Variants in GALNT13 observed in about 807,000 individuals in gnomAD.
The protein encoded by GALNT13 is UDP-GalNAc:polypeptide N-acetylgalactosaminyltransferase 13.
A neutral mutation model predicts 64.2 loss-of-function variants in GALNT13; 28 were observed. That is an observed-to-expected ratio of 0.44 (90% confidence interval 0.32 to 0.60). The LOEUF is 0.60. Ranked by LOEUF, GALNT13 falls within the 20% of genes least tolerant of loss-of-function variation. The probability of loss-of-function intolerance (pLI) is 0.05; values close to 1 mark genes in which losing one functional copy is unlikely to be tolerated. For missense variants in GALNT13, 577 were observed against 669.8 expected (o/e 0.86, Z 1.53); for synonymous variants, 214 against 224.6 (o/e 0.95, Z 0.42).
chr2:154,344,809 A>C (rs1297144422), intron 9 of GALNT13, among the ~76,000 whole-genome samples: 1 of 152,040 alleles, frequency 6.6e-6, no homozygotes, highest in African/African-American at 2.4e-5. Flanking sequence ...GAATTTGAGA[A>C]AGGTATATTT....
At chr2:153,542,118 G>C in the GALNT13 span, among the ~76,000 whole-genome samples, 4 of 152,092 alleles carry the variant, frequency 2.6e-5, no homozygotes, top group Non-Finnish European at 5.9e-5. Context: ...AGGAGTTCAA[G>C]ACCAGTCTGG....
intron 4 of GALNT13, among the ~76,000 whole-genome samples, chr2:154,174,162 T>C (rs1219961582): frequency 6.6e-6 from 1 of 152,174 alleles, no homozygotes; most frequent in African/African-American, 2.4e-5. Flanking sequence ...TAATTTAAGG[T>C]ACATTAAAAT....
At chr2:153,767,386 A>C in the GALNT13 span, among the ~76,000 whole-genome samples, 3 of 152,106 alleles carry the variant, frequency 2.0e-5, no homozygotes, top group African/African-American at 7.2e-5. Flanking sequence ...TGACTTCACT[A>C]TTGTAAGTTG....
chr2:154,272,135 T>C (rs1204419079), intron 8 of GALNT13, among the ~76,000 whole-genome samples: 2 of 152,072 alleles, frequency 1.3e-5, no homozygotes, highest in Admixed American at 1.3e-4. Flanking sequence ...GAAATACACA[T>C]TGGAAATGTT....
the GALNT13 span, among the ~76,000 whole-genome samples, chr2:153,132,919 C>A: frequency 1.3e-5 from 2 of 151,942 alleles, no homozygotes; most frequent in African/African-American, 4.8e-5. Flanking sequence ...GACAGGATTT[C>A]GCCATGTTAC....
At chr2:153,615,829 G>C in the GALNT13 span, among the ~76,000 whole-genome samples, 4 of 151,796 alleles carry the variant, frequency 2.6e-5, no homozygotes, top group African/African-American at 4.8e-5. Context: ...TATATATTCT[G>C]GTTATTAATC....
At chr2:153,268,188 A>T in the GALNT13 span, among the ~76,000 whole-genome samples, 2 of 152,212 alleles carry the variant, frequency 1.3e-5, no homozygotes, top group African/African-American at 4.8e-5. Flanking sequence ...GTAAAATCAA[A>T]AGCAAATTAG....
chr2:153,383,731 A>G, the GALNT13 span, among the ~76,000 whole-genome samples: 713 of 152,176 alleles, frequency 4.7e-3, 5 homozygotes, highest in African/African-American at 0.014. Context: ...AGATTCTCCA[A>G]TTTACAAGTA....
chr2:153,572,348 T>A, the GALNT13 span, among the ~76,000 whole-genome samples: 1 of 151,400 alleles, frequency 6.6e-6, no homozygotes, highest in Non-Finnish European at 1.5e-5. Flanking sequence ...TTCTCTCTTT[T>A]TTTTTAGTTT....
At chr2:153,525,871 T>G in the GALNT13 span, among the ~76,000 whole-genome samples, 2 of 152,112 alleles carry the variant, frequency 1.3e-5, no homozygotes, top group African/African-American at 4.8e-5. Context: ...ACAAGCTGAC[T>G]GAGGAGCCCT....
chr2:153,959,577 C>A (rs1447298495), intron 3 of GALNT13, among the ~76,000 whole-genome samples: 3 of 152,208 alleles, frequency 2.0e-5, no homozygotes, highest in Admixed American at 6.5e-5. Flanking sequence ...CTGTGAGGAA[C>A]TGACAACTTA....
chr2:153,580,881 T>G, the GALNT13 span, among the ~76,000 whole-genome samples: 70 of 152,282 alleles, frequency 4.6e-4, no homozygotes, highest in African/African-American at 1.6e-3. Context: ...TATAAAGGAA[T>G]TATTTCAATT....
chr2:153,152,303 A>AGTG, the GALNT13 span, among the ~76,000 whole-genome samples: 2 of 152,162 alleles, frequency 1.3e-5, no homozygotes, highest in African/African-American at 4.8e-5. Flanking sequence ...TGGCCGTGGT[A>AGTG]GTGGTAGTGC....
At chr2:154,173,825 A>G (rs537655738) in intron 4 of GALNT13, among the ~76,000 whole-genome samples, 7 of 152,302 alleles carry the variant, frequency 4.6e-5, no homozygotes, top group South Asian at 2.1e-4. Context: ...AAGCAAAACT[A>G]TAATGAGACA....
At chr2:154,219,672 GAA>G (rs1688223836) in intron 4 of GALNT13, among the ~76,000 whole-genome samples, 1 of 152,034 alleles carries the variant, frequency 6.6e-6, no homozygotes. Context: ...GCAGTCTTCA[GAA>G]GGCATGGGCC....
chr2:153,901,407 T>G (rs1002265488), intron 2 of GALNT13, among the ~76,000 whole-genome samples: 1 of 152,204 alleles, frequency 6.6e-6, no homozygotes, highest in African/African-American at 2.4e-5. Context: ...GTAAATTGCT[T>G]TGGACGTCAT....
intron 11 of GALNT13, among the ~76,000 whole-genome samples, chr2:154,427,086 T>C (rs1053212859): frequency 5.3e-5 from 8 of 152,248 alleles, no homozygotes; most frequent in African/African-American, 1.9e-4. Flanking sequence ...CACTAATATT[T>C]AGATATTACT....
chr2:153,561,981 T>C, the GALNT13 span, among the ~76,000 whole-genome samples: 3 of 134,266 alleles, frequency 2.2e-5, no homozygotes, highest in Non-Finnish European at 4.8e-5. Context: ...TACCAATTTT[T>C]AGTGTTTCAC....
At chr2:153,655,509 A>G in the GALNT13 span, among the ~76,000 whole-genome samples, 1 of 152,094 alleles carries the variant, frequency 6.6e-6, no homozygotes, top group South Asian at 2.1e-4. Flanking sequence ...TTACCAATAA[A>G]TCGATCCAAA....
Sources: allele counts gnomAD v4.1 joint callset (sites outside exome capture counted in the v4.1 genomes callset), GRCh38; gene constraint gnomAD v4.1.1; transcripts MANE v1.5; gene names NCBI Gene and HGNC (gene_info 2026-07-23, HGNC 2026-07-21).